PTPRG: variants seen among roughly 807,000 people sequenced by gnomAD.
PTPRG encodes the protein protein tyrosine phosphatase receptor type G.
A neutral mutation model predicts 165.3 loss-of-function variants in PTPRG; 102 were observed. The observed-to-expected ratio is 0.62, with a 90% CI of 0.53 to 0.73. The LOEUF (loss-of-function observed/expected upper bound fraction) is 0.73. Ranked by LOEUF, PTPRG falls within the 30% of genes least tolerant of loss-of-function variation. The pLI, the probability that PTPRG is intolerant of heterozygous loss-of-function variation, is 0.00. For missense variants in PTPRG, 1,866 were observed against 1,861.4 expected, an observed-to-expected ratio of 1.00 and a Z score of -0.05; for synonymous variants, 675 against 669.5, an observed-to-expected ratio of 1.01 and a Z score of -0.13.
At chr3:62,133,525 T>A (rs1263812571) in intron 6 of PTPRG, among the ~76,000 whole-genome samples, 2 of 152,216 alleles carry the variant, frequency 1.3e-5, no homozygotes, top group African/African-American at 4.8e-5. Flanking sequence ...CCCCTCTCTT[T>A]CCGTGAAACT....
intron 8 of PTPRG, among the ~76,000 whole-genome samples, chr3:62,189,113 G>T (rs1315039746): frequency 1.3e-5 from 2 of 152,124 alleles, no homozygotes; most frequent in Admixed American, 6.5e-5. Flanking sequence ...TTCTCTGGTG[G>T]CATTTGCGCA....
intron 2 of PTPRG, among the ~76,000 whole-genome samples, chr3:61,940,001 G>C (rs1184630993): frequency 4.2e-5 from 5 of 119,010 alleles, no homozygotes; most frequent in African/African-American, 1.6e-4. Context: ...CTGGAGTACA[G>C]TGGCGACCTA....
At chr3:61,746,563 A>G (rs2106905664) in intron 1 of PTPRG, among the ~76,000 whole-genome samples, 1 of 152,138 alleles carries the variant, frequency 6.6e-6, no homozygotes, top group East Asian at 1.9e-4. Context: ...GTCCTCTGTT[A>G]ATCCCTTACT....
intron 5 of PTPRG, among the ~76,000 whole-genome samples, chr3:62,085,874 C>T (rs1276671262): frequency 2.0e-5 from 3 of 152,154 alleles, no homozygotes; most frequent in African/African-American, 2.4e-5. Context: ...GAATTGTGTC[C>T]TGCCCTCAAA....
chr3:61,875,752 G>C (rs1039410318), intron 2 of PTPRG, among the ~76,000 whole-genome samples: 1 of 152,128 alleles, frequency 6.6e-6, no homozygotes, highest in Non-Finnish European at 1.5e-5. Flanking sequence ...TTCTCGCAGA[G>C]ATGTAACTGG....
intron 2 of PTPRG, among the ~76,000 whole-genome samples, chr3:61,856,982 A>G (rs2037124640): frequency 6.6e-6 from 1 of 151,996 alleles, no homozygotes. Flanking sequence ...CATTTTCTCT[A>G]CATGAGGCTC....
chr3:62,161,458 C>T (rs1276472586), intron 7 of PTPRG, among the ~76,000 whole-genome samples: 4 of 152,168 alleles, frequency 2.6e-5, no homozygotes, highest in Non-Finnish European at 5.9e-5. Flanking sequence ...GGAATAGCCA[C>T]GTGTGGCTAC....
chr3:61,699,002 A>G lies in PTPRG; in HGVS notation c.86-49876A>G, dbSNP rs184994088. ...ACATGGACACAGGAAGGGGAACATC[A>G]CACACCAGGGACTGCTGTGGGGTGG... On this transcript the variant is annotated intron_variant, in intron 1 of 29. Transcript: ENST00000474889. Among the ~76,000 whole-genome samples, 537 of 151,932 alleles carry G rather than the reference A, an allele frequency of 3.5e-3. 5 individuals carry two copies. Among genetic ancestry groups the G allele is most frequent in the African/African-American group, 0.012 (513 of 41,494 alleles).
intron 7 of PTPRG, among the ~76,000 whole-genome samples, chr3:62,163,921 G>A (rs1001032441): frequency 6.6e-6 from 1 of 152,240 alleles, no homozygotes; most frequent in East Asian, 1.9e-4. Context: ...GCAGGGGTAA[G>A]GGTTTTGAAT....
At chr3:61,870,926 A>G (rs1169703368) in intron 2 of PTPRG, among the ~76,000 whole-genome samples, 2 of 152,134 alleles carry the variant, frequency 1.3e-5, no homozygotes, top group African/African-American at 4.8e-5. Flanking sequence ...GAAATCAGCA[A>G]CGGGGTAGAG....
At chr3:61,950,137 A>T (rs1196369233) in intron 2 of PTPRG, among the ~76,000 whole-genome samples, 1 of 152,204 alleles carries the variant, frequency 6.6e-6, no homozygotes, top group Non-Finnish European at 1.5e-5. Context: ...AAGTTTTAAA[A>T]TACTTTGTGT....
chr3:61,572,086 G>A (rs1413822526), intron 1 of PTPRG, among the ~76,000 whole-genome samples: 3 of 152,200 alleles, frequency 2.0e-5, no homozygotes, highest in South Asian at 4.1e-4. Context: ...GATTTGTGAG[G>A]TGCACTTGTT....
intron 4 of PTPRG, among the ~76,000 whole-genome samples, chr3:62,076,559 A>G (rs376632640): frequency 5.3e-5 from 8 of 150,258 alleles, no homozygotes; most frequent in East Asian, 2.0e-4. Context: ...GGGATACCCA[A>G]TGGTTCATTT....
At chr3:62,263,878 T>G (rs1018302759) in intron 17 of PTPRG, 4 of 152,348 alleles carry the variant, frequency 2.6e-5, no homozygotes, top group Admixed American at 6.5e-5. Flanking sequence ...CTGGGCACAG[T>G]GACTCACGCC....
intron 2 of PTPRG, among the ~76,000 whole-genome samples, chr3:61,863,773 C>A (rs567451967): frequency 6.6e-6 from 1 of 152,258 alleles, no homozygotes; most frequent in South Asian, 2.1e-4. Flanking sequence ...CTGAACATAC[C>A]ATTTAAGCTG....
intron 2 of PTPRG, among the ~76,000 whole-genome samples, chr3:61,967,416 T>C (rs895854395): frequency 4.6e-5 from 7 of 152,162 alleles, no homozygotes; most frequent in Non-Finnish European, 1.0e-4. Flanking sequence ...CTTTTTCAAC[T>C]CCTTAATCTC....
At chr3:61,761,921 C>T (rs2033850127) in intron 2 of PTPRG, among the ~76,000 whole-genome samples, 3 of 152,128 alleles carry the variant, frequency 2.0e-5, no homozygotes, top group South Asian at 2.1e-4. Context: ...CCCCTAGTTC[C>T]AAATGTTAGG....
chr3:61,761,779 G>A (rs1455480578), intron 2 of PTPRG, among the ~76,000 whole-genome samples: 2 of 152,058 alleles, frequency 1.3e-5, no homozygotes, highest in African/African-American at 2.4e-5. Flanking sequence ...CTTTTTCTGG[G>A]GGAGGAAAAC....
At chr3:61,703,740 T>C (rs1486640958) in intron 1 of PTPRG, among the ~76,000 whole-genome samples, 1 of 152,212 alleles carries the variant, frequency 6.6e-6, no homozygotes, top group African/African-American at 2.4e-5. Flanking sequence ...CCATTTCATA[T>C]GGGCTTGTTG....
Sources: allele counts gnomAD v4.1 joint callset (sites outside exome capture counted in the v4.1 genomes callset), GRCh38; gene constraint gnomAD v4.1.1; transcripts MANE v1.5; gene names NCBI Gene and HGNC (gene_info 2026-07-23, HGNC 2026-07-21).